The following MGAT4A variants were observed in gnomAD, a reference collection of about 807,000 sequenced individuals.
MGAT4A encodes the protein alpha-1,3-mannosyl-glycoprotein 4-beta-N-acetylglucosaminyltransferase A.
Under a neutral mutation model 74.1 loss-of-function variants are expected in MGAT4A, and 33 were observed. The ratio of observed to expected loss-of-function variants is 0.45; its 90% CI spans 0.34 to 0.60. The LOEUF (loss-of-function observed/expected upper bound fraction) is 0.60, where lower values mean the gene tolerates loss of function less well. Ranked by LOEUF, MGAT4A falls within the 20% of genes least tolerant of loss-of-function variation. The pLI, the probability that MGAT4A is intolerant of heterozygous loss-of-function variation, is 0.02. For missense variants in MGAT4A, 479 were observed against 628.3 expected, an observed-to-expected ratio of 0.76 and a Z score of 2.54; for synonymous variants, 198 against 210.4, an observed-to-expected ratio of 0.94 and a Z score of 0.51.
chr2:98,726,437 C>A lies in MGAT4A; in HGVS notation c.-105G>T. The A allele has an allele frequency of 1.2e-6, 1 of 836,198 alleles. No homozygotes were observed. The highest frequency in any genetic ancestry group is 1.9e-6 in the Non-Finnish European group (1 of 537,898). The allele number at this position is 836,198 out of a possible 1,614,324, so 51.8% of individuals were successfully genotyped here. A position where few individuals can be genotyped will look rare whatever the true frequency, so the allele number is the denominator to read the frequency against. On this transcript the variant is annotated 5_prime_UTR_variant, in exon 2 of 16. Transcript: ENST00000393487. ...TGAATGCAGTACTCCTGGCTCTAGGCCAATAAAAATCAATAAGAGAGGTTC... is the reference window on the plus strand; with the variant it reads ...TGAATGCAGTACTCCTGGCTCTAGGACAATAAAAATCAATAAGAGAGGTTC...
At chr2:98,667,098 C>T (rs1559163958) in intron 4 of MGAT4A, among the ~76,000 whole-genome samples, 1 of 115,250 alleles carries the variant, frequency 8.7e-6, no homozygotes, top group African/African-American at 3.9e-5. Flanking sequence ...CACAAGCTTG[C>T]TCTCTGCCTG....
intron 9 of MGAT4A, among the ~76,000 whole-genome samples, chr2:98,644,306 A>T (rs1051095061): frequency 1.3e-5 from 2 of 152,192 alleles, no homozygotes; most frequent in African/African-American, 4.8e-5. Context: ...TCGTATACCT[A>T]CTGGCCCAAA....
chr2:98,718,995 A>G (rs1702628956), intron 2 of MGAT4A, among the ~76,000 whole-genome samples: 1 of 152,132 alleles, frequency 6.6e-6, no homozygotes, highest in Non-Finnish European at 1.5e-5. Context: ...TGGTACCATA[A>G]AACAGTTCCT....
Position 98,624,742 on chromosome 2 carries a change from G to T in MGAT4A, c.*824C>A. 1.0e-6 allele frequency: 1 copy of T among 983,462 alleles called. No individual in the cohort carries two copies. Among genetic ancestry groups the T allele is most frequent in the Non-Finnish European group, 1.2e-6 (1 of 827,846 alleles). 60.9% of individuals were successfully genotyped at this position (983,462 alleles called of 1,614,324 possible). Reference sequence around the variant, plus strand: ...TAATAAGTTAAGTCTACAATAATCTGGGTTGAATGCATCACACTTACACAT... The same window carrying T: ...TAATAAGTTAAGTCTACAATAATCTTGGTTGAATGCATCACACTTACACAT... On this transcript the variant is annotated 3_prime_UTR_variant, in exon 16 of 16. Coordinates refer to ENST00000393487, the MANE Select transcript of MGAT4A (RefSeq NM_012214.3).
At chr2:98,712,714 T>C (rs1409124876) in intron 2 of MGAT4A, among the ~76,000 whole-genome samples, 1 of 152,226 alleles carries the variant, frequency 6.6e-6, no homozygotes, top group Admixed American at 6.5e-5. Context: ...TATTATCTCA[T>C]CTCAACTGTG....
chr2:98,696,745 C>A (rs2104308706), intron 2 of MGAT4A, among the ~76,000 whole-genome samples: 1 of 152,200 alleles, frequency 6.6e-6, no homozygotes. Flanking sequence ...CCCAAAAGAG[C>A]CTTGTAAAAA....
intron 2 of MGAT4A, among the ~76,000 whole-genome samples, chr2:98,709,837 C>T (rs1348430630): frequency 6.6e-6 from 1 of 152,068 alleles, no homozygotes; most frequent in African/African-American, 2.4e-5. Flanking sequence ...AACTAGTTGG[C>T]AAACTCTTTC....
At chr2:98,698,930 C>A (rs1702313207) in intron 2 of MGAT4A, among the ~76,000 whole-genome samples, 1 of 152,174 alleles carries the variant, frequency 6.6e-6, no homozygotes, top group Non-Finnish European at 1.5e-5. Context: ...ACAAACTGTA[C>A]TATAATTACA....
Position 98,678,352 on chromosome 2 carries a change from C to A in MGAT4A, c.214G>T (p.Val72Leu). The part of the protein sequence containing the change: ...LNTIVQQFKR[V>L]GAETNGSKDA... Reference sequence around the variant, plus strand: ...TTACTTCCATTTGTTTCTGCTCCTACACGCTTGAACTGTTGCACAATCGTA... The same window carrying A: ...TTACTTCCATTTGTTTCTGCTCCTAAACGCTTGAACTGTTGCACAATCGTA... The change falls in exon 3 of 16, where the codon GTA becomes TTA. Residue 72 changes from valine (V) to leucine (L), a missense_variant. Physicochemically the swap from Val to Leu is conservative, Grantham distance 32. Transcript: ENST00000393487. 2.0e-6 allele frequency: 3 copies of A among 1,495,170 alleles called. No homozygotes were observed. The highest frequency in any genetic ancestry group is 2.7e-6 in the Non-Finnish European group (3 of 1,111,036). 92.6% of individuals were successfully genotyped at this position (1,495,170 alleles called of 1,614,324 possible). A position where few individuals can be genotyped will look rare whatever the true frequency, so the allele number is the denominator to read the frequency against.
chr2:98,713,185 C>CAAAAAAA (rs139508612), intron 2 of MGAT4A, among the ~76,000 whole-genome samples: 1 of 54,218 alleles, frequency 1.8e-5, no homozygotes, highest in Non-Finnish European at 3.4e-5. Flanking sequence ...GATCATGTCT[C>CAAAAAAA]AAAAAAAAAA....
At chr2:98,704,998 C>T (rs1010678905) in intron 2 of MGAT4A, among the ~76,000 whole-genome samples, 3 of 152,152 alleles carry the variant, frequency 2.0e-5, no homozygotes, top group Non-Finnish European at 4.4e-5. Flanking sequence ...GACAGGAGGA[C>T]ATCTGGAGTG....
chr2:98,702,927 C>A (rs753058991), intron 2 of MGAT4A, among the ~76,000 whole-genome samples: 2 of 152,122 alleles, frequency 1.3e-5, no homozygotes, highest in Non-Finnish European at 2.9e-5. Flanking sequence ...TGTAAAGAAT[C>A]CAGAACTGCA....
intron 4 of MGAT4A, among the ~76,000 whole-genome samples, chr2:98,673,226 A>C (rs912512093): frequency 6.6e-6 from 1 of 152,044 alleles, no homozygotes; most frequent in Non-Finnish European, 1.5e-5. Flanking sequence ...AGCTATTCTA[A>C]GTGCTGTTCC....
intron 14 of MGAT4A, among the ~76,000 whole-genome samples, chr2:98,626,497 A>T (rs972365597): frequency 6.6e-6 from 1 of 152,200 alleles, no homozygotes; most frequent in Non-Finnish European, 1.5e-5. Flanking sequence ...GTCGTCAGAA[A>T]AGTGACAAGA....
chr2:98,689,916 A>G (rs1209475875), intron 2 of MGAT4A, among the ~76,000 whole-genome samples: 1 of 152,084 alleles, frequency 6.6e-6, no homozygotes, highest in Admixed American at 6.5e-5. Flanking sequence ...AAGAAACAAC[A>G]CAGTAGTGAG....
intron 2 of MGAT4A, among the ~76,000 whole-genome samples, chr2:98,721,667 G>A (rs1210217249): frequency 6.6e-6 from 1 of 152,050 alleles, no homozygotes; most frequent in Non-Finnish European, 1.5e-5. Flanking sequence ...CTACATAGGA[G>A]CAACACTCCT....
At chr2:98,631,581 G>A (rs1701233740) in intron 14 of MGAT4A, among the ~76,000 whole-genome samples, 1 of 152,232 alleles carries the variant, frequency 6.6e-6, no homozygotes, top group Non-Finnish European at 1.5e-5. Context: ...GAGCACACCC[G>A]CGGATGCTGG....
rs1303456397 is a variant in MGAT4A at position 98,619,977 on chromosome 2, C to CA, written c.*5588dup. On this transcript the variant is annotated 3_prime_UTR_variant, in exon 16 of 16. Transcript: ENST00000393487. ...CGCAAAGTGCTTTCCCATCAATGCTCAGTTTACTTTCTTGAATGAGGTCTT... is the reference window on the plus strand; with the variant it reads ...CGCAAAGTGCTTTCCCATCAATGCTCAAGTTTACTTTCTTGAATGAGGTCTT... The CA allele has an allele frequency of 6.6e-6, 1 of 152,170 alleles. No individual in the cohort carries two copies. The highest frequency in any genetic ancestry group is 2.4e-5 in the African/African-American group (1 of 41,424). The allele number at this position is 152,170 out of a possible 1,614,324, so 9.4% of individuals were successfully genotyped here.
chr2:98,709,777 G>C (rs1253222424), intron 2 of MGAT4A, among the ~76,000 whole-genome samples: 4 of 152,180 alleles, frequency 2.6e-5, no homozygotes, highest in Non-Finnish European at 5.9e-5. Context: ...AAACAAAGGG[G>C]TAAATTCAAG....
Sources: allele counts gnomAD v4.1 joint callset (sites outside exome capture counted in the v4.1 genomes callset), GRCh38; gene constraint gnomAD v4.1.1; transcripts MANE v1.5; gene names NCBI Gene and HGNC (gene_info 2026-07-23, HGNC 2026-07-21).